The following DAGLA variants were observed in gnomAD, a reference collection of about 807,000 sequenced individuals.
DAGLA encodes the protein diacylglycerol lipase-alpha.
A neutral mutation model predicts 102.6 loss-of-function variants in DAGLA; 22 were observed. The observed-to-expected ratio is 0.21, with a 90% CI of 0.15 to 0.31. The LOEUF (loss-of-function observed/expected upper bound fraction) is 0.31. Ranked by LOEUF, DAGLA falls within the 10% of genes least tolerant of loss-of-function variation. The probability of loss-of-function intolerance (pLI) is 1.00; values close to 1 mark genes in which losing one functional copy is unlikely to be tolerated. For synonymous variants in DAGLA, 578 were observed against 628.9 expected (o/e 0.92, Z 1.21); for missense variants, 927 against 1,446.6 (o/e 0.64, Z 5.83).
At chr11:61,682,805 A>G (rs979012071) in intron 1 of DAGLA, among the ~76,000 whole-genome samples, 12 of 131,462 alleles carry the variant, frequency 9.1e-5, no homozygotes, top group Non-Finnish European at 1.5e-4. Flanking sequence ...GATGTGGCTC[A>G]GGTCTGGATG....
In DAGLA at chr11:61,735,545, G is replaced by A; in HGVS notation, c.1129-16G>A. On this transcript the variant is annotated splice_polypyrimidine_tract_variant and intron_variant, in intron 10 of 19. Coordinates refer to ENST00000257215, the MANE Select transcript of DAGLA (RefSeq NM_006133.3). Reference sequence around the variant, plus strand: ...CCACCAGGGCCGCTCAGGCTCACGAGCTGCCCGCCTCCTAGGTCTATGAAA... The same window carrying A: ...CCACCAGGGCCGCTCAGGCTCACGAACTGCCCGCCTCCTAGGTCTATGAAA... 1 of 1,613,250 alleles carries A rather than the reference G, an allele frequency of 6.2e-7. No homozygotes were observed. The highest frequency in any genetic ancestry group is 8.5e-7 in the Non-Finnish European group (1 of 1,179,508).
intron 1 of DAGLA, among the ~76,000 whole-genome samples, chr11:61,717,439 T>C (rs577066618): frequency 9.9e-5 from 15 of 152,052 alleles, no homozygotes; most frequent in African/African-American, 3.6e-4. Context: ...GGGTGGCTGG[T>C]CCAGCAAGGG....
intron 1 of DAGLA, among the ~76,000 whole-genome samples, chr11:61,693,738 G>A (rs2065042850): frequency 6.6e-6 from 1 of 152,206 alleles, no homozygotes; most frequent in Admixed American, 6.5e-5. Context: ...TGAGGCTCCT[G>A]CAGCCAGGGG....
chr11:61,721,880 G>A (rs1167594509), intron 3 of DAGLA, among the ~76,000 whole-genome samples: 3 of 152,352 alleles, frequency 2.0e-5, no homozygotes, highest in East Asian at 1.9e-4. Context: ...TGTAAATGTC[G>A]GAGCTGGGAT....
chr11:61,723,109 T>C, intron 4 of DAGLA, 149 bp downstream of exon 4: 1 of 725,620 alleles, frequency 1.4e-6, no homozygotes, highest in Non-Finnish European at 2.3e-6. Context: ...ACTGCTTCCC[T>C]CACCCTTGAG....
intron 7 of DAGLA, 130 bp from the exon 8 acceptor site, chr11:61,728,801 G>A (rs1161132664): frequency 2.8e-6 from 2 of 723,378 alleles, no homozygotes; most frequent in Non-Finnish European, 4.8e-6. Flanking sequence ...GGAAGAACTA[G>A]AAGCTGCATG....
At position 61,684,015 on chromosome 11, in the gene DAGLA, C is replaced by T. The variant is rs1419339390; in HGVS notation, c.-45+3511C>T. Among the ~76,000 whole-genome samples the T allele has an allele frequency of 2.0e-5, 3 of 152,216 alleles. No homozygotes were observed. The East Asian group carries it at 5.8e-4, about 29-fold the overall frequency. ...CTCAGCTGCCCCATAAATCACAGTG[C>T]CTGGCTGCTGTGCTTTAGGGGTGCC... On this transcript the variant is annotated intron_variant, in intron 1 of 19. Coordinates refer to ENST00000257215, the MANE Select transcript of DAGLA (RefSeq NM_006133.3). The surrounding 1 kb of genome is among the most constrained non-coding windows in gnomAD (Gnocchi z 4.5).
rs1470687389 is a variant in DAGLA at position 61,746,061 on chromosome 11, G to C, written c.*1572G>C. On this transcript the variant is annotated 3_prime_UTR_variant, in exon 20 of 20. Coordinates refer to ENST00000257215, the MANE Select transcript of DAGLA (RefSeq NM_006133.3). ...TTCTGGCTCCACCTGCAGCCTCCCT[G>C]GGTGGCCTAGGCTCCCCCGACCAAG... is the stretch of plus-strand genomic sequence containing the variant. The C allele has an allele frequency of 6.6e-6, 1 of 152,372 alleles. No individual in the cohort carries two copies. The highest frequency in any genetic ancestry group is 1.5e-5 in the Non-Finnish European group (1 of 68,080). 9.4% of individuals were successfully genotyped at this position (152,372 alleles called of 1,614,324 possible).
chr11:61,698,211 GAGGGTCAGGGC>G (rs1490806154), intron 1 of DAGLA, among the ~76,000 whole-genome samples: 1 of 152,248 alleles, frequency 6.6e-6, no homozygotes, highest in Non-Finnish European at 1.5e-5. Context: ...GGGCCAGCCA[GAGGGTCAGGGC>G]AGGCAGGCAG....
At position 61,703,818 on chromosome 11, in the gene DAGLA, C is replaced by T. The variant is rs184056723; in HGVS notation, c.-44-16294C>T. 6.1e-3 allele frequency among the ~76,000 whole-genome samples: 936 copies of T among 152,288 alleles called. 4 individuals are homozygous for T. Among genetic ancestry groups the T allele is most frequent in the Admixed American group, 0.013 (204 of 15,302 alleles). ...AAAAGACAGGTTAACAAGAGGAAAG[C>T]ATAACAAATGTATTTAATCAAAGTT... On this transcript the variant is annotated intron_variant, in intron 1 of 19. Transcript: ENST00000257215.
intron 1 of DAGLA, among the ~76,000 whole-genome samples, chr11:61,682,424 C>G (rs946279730): frequency 6.6e-6 from 1 of 152,040 alleles, no homozygotes; most frequent in East Asian, 1.9e-4. Flanking sequence ...CGCACATGCT[C>G]CCGGTGGGGG....
At chr11:61,720,941 A>C in intron 3 of DAGLA, 51 bp downstream of exon 3, 3 of 1,544,180 alleles carry the variant, frequency 1.9e-6, no homozygotes, top group Non-Finnish European at 2.7e-6. Flanking sequence ...CCACCTCTCC[A>C]TTCACTCAGC....
At chr11:61,720,940 C>CAGT in intron 3 of DAGLA, 50 bp downstream of exon 3, 4 of 1,550,426 alleles carry the variant, frequency 2.6e-6, no homozygotes, top group Non-Finnish European at 3.5e-6. Flanking sequence ...CCCACCTCTC[C>CAGT]ATTCACTCAG....
At position 61,738,212 on chromosome 11, in the gene DAGLA, GC is replaced by G. The variant is rs1375009904; in HGVS notation, c.1656+10del. On this transcript the variant is annotated splice_donor_region_variant and intron_variant, in intron 16 of 19. Coordinates refer to ENST00000257215, the MANE Select transcript of DAGLA (RefSeq NM_006133.3). ...CAGCGAAGCACCAAGCCCAAAGTGA[GC>G]CCCCACCTGGGCACCCTGCCTCTGT... 3.7e-6 allele frequency: 6 copies of G among 1,611,138 alleles called. No homozygotes were observed. In the South Asian group the frequency reaches 6.6e-5, roughly 18 times the overall value.
At chr11:61,707,480 C>T (rs1174011420) in intron 1 of DAGLA, among the ~76,000 whole-genome samples, 1 of 152,258 alleles carries the variant, frequency 6.6e-6, no homozygotes, top group African/African-American at 2.4e-5. Context: ...CCAGAGCCTC[C>T]TGGCCTATTC....
Position 61,739,680 on chromosome 11 carries a change from T to G in DAGLA, c.1853+19T>G. ...AGTGCTGGTAGGTTCTGCCAGGGTCTGCTGCTGCAGGGGGTAGTGGCCAGG... is the reference window on the plus strand; with the variant it reads ...AGTGCTGGTAGGTTCTGCCAGGGTCGGCTGCTGCAGGGGGTAGTGGCCAGG... On this transcript the variant is annotated intron_variant, in intron 17 of 19. Coordinates refer to ENST00000257215, the MANE Select transcript of DAGLA (RefSeq NM_006133.3). The G allele has an allele frequency of 3.1e-6, 5 of 1,610,606 alleles. No individual in the cohort carries two copies. The highest frequency in any genetic ancestry group is 4.2e-6 in the Non-Finnish European group (5 of 1,179,062).
chr11:61,697,051 G>A (rs548384609), intron 1 of DAGLA, among the ~76,000 whole-genome samples: 48 of 152,282 alleles, frequency 3.2e-4, no homozygotes, highest in African/African-American at 9.6e-4. Flanking sequence ...GAGGGCACAG[G>A]GCGACATTCA....
chr11:61,706,208 G>T (rs1280144128), intron 1 of DAGLA, among the ~76,000 whole-genome samples: 3 of 152,248 alleles, frequency 2.0e-5, no homozygotes. Context: ...CTGAGAAGTT[G>T]GGGGCGGGGA....
At chr11:61,725,942 C>T (rs966751375) in intron 5 of DAGLA, 53 bp from the exon 6 acceptor site, 42 of 1,524,610 alleles carry the variant, frequency 2.8e-5, no homozygotes, top group Non-Finnish European at 3.6e-5. Flanking sequence ...TGGGTCCCAG[C>T]TCTTCTGGTC....
Sources: allele counts gnomAD v4.1 joint callset (sites outside exome capture counted in the v4.1 genomes callset), GRCh38; gene constraint gnomAD v4.1.1; non-coding constraint Gnocchi (gnomAD v3.1); transcripts MANE v1.5; gene names NCBI Gene and HGNC (gene_info 2026-07-23, HGNC 2026-07-21).